The following STX8 variants were observed in gnomAD, a reference collection of about 807,000 sequenced individuals.
STX8 encodes syntaxin 8.
A neutral mutation model predicts 37.5 loss-of-function variants in STX8; 23 were observed. The ratio of observed to expected loss-of-function variants is 0.61; its 90% CI spans 0.44 to 0.87. The LOEUF is 0.87. Ranked by LOEUF, STX8 falls within the 40% of genes least tolerant of loss-of-function variation. The pLI is 0.00. For synonymous variants in STX8, 115 were observed against 99.1 expected, an observed-to-expected ratio of 1.16 and a Z score of -0.95; for missense variants, 313 against 284.7, an observed-to-expected ratio of 1.10 and a Z score of -0.71.
At position 9,507,708 on chromosome 17, in the gene STX8, C is replaced by T. The variant is rs968926690; in HGVS notation, c.324-2546G>A. Reference sequence around the variant, plus strand: ...CAACCCACCATGTGAACGCATGCATCGCTGACCTGACAAATAGCCCGGTGA... The same window carrying T: ...CAACCCACCATGTGAACGCATGCATTGCTGACCTGACAAATAGCCCGGTGA... On this transcript the variant is annotated intron_variant, in intron 4 of 7. Coordinates refer to ENST00000306357, the MANE Select transcript of STX8 (RefSeq NM_004853.3). This position sits in a 1 kb window ranked among gnomAD's most constrained non-coding sequence, Gnocchi z 4.0. Among the ~76,000 whole-genome samples, 4 of 152,222 alleles carry T rather than the reference C, an allele frequency of 2.6e-5. No homozygotes were observed. The highest frequency in any genetic ancestry group is 7.2e-5 in the African/African-American group (3 of 41,468).
At chr17:9,548,949 T>C (rs1906656374) in intron 3 of STX8, among the ~76,000 whole-genome samples, 8 of 152,214 alleles carry the variant, frequency 5.3e-5, no homozygotes, top group Admixed American at 4.6e-4. Context: ...TCACTGAATA[T>C]TGTTTCCTAA....
chr17:9,505,239 G>A, intron 4 of STX8, 77 bp from the exon 5 acceptor site: 1 of 1,527,820 alleles, frequency 6.5e-7, no homozygotes, highest in South Asian at 1.2e-5. Flanking sequence ...AAGTGCAGAG[G>A]TGGCCAGCCT....
chr17:9,510,752 A>G lies in STX8; in HGVS notation c.324-5590T>C, dbSNP rs190856639. Among the ~76,000 whole-genome samples the G allele has an allele frequency of 2.0e-5, 3 of 152,212 alleles. No individual in the cohort carries two copies. The East Asian group carries it at 5.8e-4, about 29-fold the overall frequency. On this transcript the variant is annotated intron_variant, in intron 4 of 7. Coordinates refer to ENST00000306357, the MANE Select transcript of STX8 (RefSeq NM_004853.3). ...ACCAAACCCAAAATTAGTAAAGGAA[A>G]GAAATAATAAAGATCAGAGGAGAAA...
At chr17:9,460,737 GAA>G (rs1905349399) in intron 6 of STX8, among the ~76,000 whole-genome samples, 1 of 147,974 alleles carries the variant, frequency 6.8e-6, no homozygotes, top group South Asian at 2.1e-4. Context: ...TTATCATGTA[GAA>G]AGACAGTAAA....
chr17:9,446,308 A>G (rs954364246), intron 6 of STX8, among the ~76,000 whole-genome samples: 2 of 152,226 alleles, frequency 1.3e-5, no homozygotes, highest in Non-Finnish European at 2.9e-5. Flanking sequence ...AAGCCAACTT[A>G]GCAACACTGT....
In STX8 at chr17:9,262,481, A is replaced by G. The variant is rs547768213; in HGVS notation, c.644-11836T>C. Among the ~76,000 whole-genome samples, 72 of 152,274 alleles carry G rather than the reference A, an allele frequency of 4.7e-4. 2 individuals are homozygous for G. In the Middle Eastern group the frequency reaches 0.014, roughly 29 times the overall value. On this transcript the variant is annotated intron_variant, in intron 7 of 7. Coordinates refer to ENST00000306357, the MANE Select transcript of STX8 (RefSeq NM_004853.3). Reference sequence around the variant, plus strand: ...CTTGTCTTTATACTTGGTTGGCTCAATCATCCCTCGGGTTCCTGCAAATAA... The same window carrying G: ...CTTGTCTTTATACTTGGTTGGCTCAGTCATCCCTCGGGTTCCTGCAAATAA...
intron 6 of STX8, among the ~76,000 whole-genome samples, chr17:9,418,656 T>C (rs888622052): frequency 6.6e-6 from 1 of 151,044 alleles, no homozygotes; most frequent in Admixed American, 6.6e-5. Context: ...TGAAACCCCG[T>C]CTCTACTAAA....
At chr17:9,265,927 A>G (rs971513021) in intron 7 of STX8, among the ~76,000 whole-genome samples, 5 of 152,006 alleles carry the variant, frequency 3.3e-5, no homozygotes, top group African/African-American at 7.3e-5. Flanking sequence ...CTCTTCCCCT[A>G]TTGCTTATCA....
chr17:9,329,662 C>A (rs1909898383), intron 7 of STX8, among the ~76,000 whole-genome samples: 1 of 152,204 alleles, frequency 6.6e-6, no homozygotes, highest in Admixed American at 6.5e-5. Context: ...ACTTCGAGTC[C>A]CATCGGACCA....
At position 9,505,173 on chromosome 17, in the gene STX8, A is replaced by G; in HGVS notation, c.324-11T>C. On this transcript the variant is annotated splice_polypyrimidine_tract_variant and intron_variant, in intron 4 of 7. Transcript: ENST00000306357. Reference sequence around the variant, plus strand: ...CTCATCAGGCTGGACCTAAAGAACAATATTAAATGCATGATATATCTCAAA... The same window carrying G: ...CTCATCAGGCTGGACCTAAAGAACAGTATTAAATGCATGATATATCTCAAA... 6.2e-7 allele frequency: 1 copy of G among 1,603,120 alleles called. No homozygotes were observed. The highest frequency in any genetic ancestry group is 8.5e-7 in the Non-Finnish European group (1 of 1,175,620).
intron 7 of STX8, among the ~76,000 whole-genome samples, chr17:9,307,615 G>GA (rs752961544): frequency 6.6e-6 from 1 of 152,128 alleles, no homozygotes; most frequent in Non-Finnish European, 1.5e-5. Context: ...TTAGGGCCTG[G>GA]AAGCGGGGTG....
At chr17:9,454,475 G>C (rs1209154379) in intron 6 of STX8, among the ~76,000 whole-genome samples, 3 of 151,948 alleles carry the variant, frequency 2.0e-5, no homozygotes, top group South Asian at 2.1e-4. Context: ...TCAGGAGATC[G>C]AGACCATCCT....
At chr17:9,473,207 C>T (rs1215397842) in intron 6 of STX8, among the ~76,000 whole-genome samples, 4 of 151,992 alleles carry the variant, frequency 2.6e-5, no homozygotes, top group East Asian at 1.9e-4. Context: ...TTAGTAGAGA[C>T]GGGGTTTCAC....
At chr17:9,307,400 G>T (rs1909038077) in intron 7 of STX8, among the ~76,000 whole-genome samples, 1 of 152,194 alleles carries the variant, frequency 6.6e-6, no homozygotes, top group African/African-American at 2.4e-5. Context: ...CCTGACTTCG[G>T]TCTTCCTCTC....
intron 7 of STX8, among the ~76,000 whole-genome samples, chr17:9,373,624 T>G (rs767383772): frequency 6.6e-6 from 1 of 152,118 alleles, no homozygotes. Flanking sequence ...ATTATTGTCT[T>G]GGATAAATTT....
At chr17:9,517,305 A>G (rs572227986) in intron 4 of STX8, among the ~76,000 whole-genome samples, 10 of 152,306 alleles carry the variant, frequency 6.6e-5, no homozygotes, top group African/African-American at 2.4e-4. Flanking sequence ...CCTTTATCAC[A>G]TTATGGCTGG....
rs571376104 is a variant in STX8, at chr17:9,257,378, C to T, written c.644-6733G>A. 6.6e-5 allele frequency among the ~76,000 whole-genome samples: 10 copies of T among 152,228 alleles called. No homozygotes were observed. The South Asian group carries it at 8.3e-4, about 13-fold the overall frequency. ...CTTTTTTCCAGTGAAACACTGGAAA[C>T]GAGCAAAATACGGAGCTTGTGCTGC... On this transcript the variant is annotated intron_variant, in intron 7 of 7. Transcript: ENST00000306357.
At chr17:9,283,091 C>A (rs1402685844) in intron 7 of STX8, 1 of 150,722 alleles carries the variant, frequency 6.6e-6, no homozygotes, top group Non-Finnish European at 1.5e-5. Context: ...GACAGGTATT[C>A]TTGATAGGAA....
chr17:9,294,482 A>G lies in STX8; in HGVS notation c.644-43837T>C, dbSNP rs557209787. Among the ~76,000 whole-genome samples, 107 of 152,370 alleles carry G rather than the reference A, an allele frequency of 7.0e-4. No homozygotes were observed. The Middle Eastern group carries it at 0.017, about 24-fold the overall frequency. ...GAGTGAGGGTGGAACATCTGAAGCC[A>G]GGCGTTTCATAAACAGGAGCTTTGG... On this transcript the variant is annotated intron_variant, in intron 7 of 7. Transcript: ENST00000306357.
Sources: allele counts gnomAD v4.1 joint callset (sites outside exome capture counted in the v4.1 genomes callset), GRCh38; gene constraint gnomAD v4.1.1; non-coding constraint Gnocchi (gnomAD v3.1); transcripts MANE v1.5; gene names NCBI Gene and HGNC (gene_info 2026-07-23, HGNC 2026-07-21).